The following ZMYM4 variants were observed in gnomAD, a reference collection of about 807,000 sequenced individuals.
ZMYM4 encodes zinc finger MYM-type protein 4.
A neutral mutation model predicts 183.2 loss-of-function variants in ZMYM4; 31 were observed. The ratio of observed to expected loss-of-function variants is 0.17; its 90% CI spans 0.13 to 0.23. The LOEUF is 0.23. Among genes scored for constraint, ZMYM4 ranks in the 10% least tolerant of loss-of-function variants. ZMYM4 has a pLI of 1.00. For missense variants in ZMYM4, 1,273 were observed against 1,840.3 expected (o/e 0.69, Z 5.64); for synonymous variants, 592 against 631.2 (o/e 0.94, Z 0.93).
At chr1:35,361,129 T>A (rs1643927089) in intron 3 of ZMYM4, 65 bp from the exon 4 acceptor site, 5 of 1,383,594 alleles carry the variant, frequency 3.6e-6, no homozygotes, top group Non-Finnish European at 3.9e-6. Flanking sequence ...GCTTTTTAGG[T>A]CACTCTTTGT....
chr1:35,344,814 G>A (rs1643333797), intron 2 of ZMYM4, among the ~76,000 whole-genome samples: 1 of 152,108 alleles, frequency 6.6e-6, no homozygotes, highest in African/African-American at 2.4e-5. Context: ...GTGTTTTCCT[G>A]GTTTTGGTCC....
chr1:35,302,676 C>T (rs910147263), intron 1 of ZMYM4, among the ~76,000 whole-genome samples: 11 of 151,970 alleles, frequency 7.2e-5, no homozygotes, highest in South Asian at 2.1e-4. Context: ...TGAGCCACAG[C>T]GCCCAGCCTA....
chr1:35,407,696 CT>C (rs747128330), intron 25 of ZMYM4, among the ~76,000 whole-genome samples: 1 of 152,158 alleles, frequency 6.6e-6, no homozygotes, highest in Non-Finnish European at 1.5e-5. Context: ...TCTTCCTCAC[CT>C]TTTAAGGTCT....
In ZMYM4 at chr1:35,359,385, G is replaced by A. The variant is rs1281263082; in HGVS notation, c.546G>A (p.Arg182=). Residue 182 remains arginine (R), a synonymous_variant, in exon 3 of 30, where the codon CGG becomes CGA. Coordinates refer to ENST00000314607, the MANE Select transcript of ZMYM4 (RefSeq NM_005095.3). ...NRDLTYEREK[R]LDKPHKDLDS... is the part of the protein sequence containing the mutation. ...ACCTAACTTATGAACGTGAAAAACG[G>A]TTGGATAAACCCCATAAAGATTTGG... is the stretch of plus-strand genomic sequence containing the variant. 1 of 1,594,926 alleles carries A rather than the reference G, an allele frequency of 6.3e-7. No individual in the cohort carries two copies. The highest frequency in any genetic ancestry group is 2.2e-5 in the East Asian group (1 of 44,740).
At chr1:35,344,583 C>T (rs1643325328) in intron 2 of ZMYM4, among the ~76,000 whole-genome samples, 1 of 151,572 alleles carries the variant, frequency 6.6e-6, no homozygotes, top group Non-Finnish European at 1.5e-5. Context: ...GTTGCTTTTT[C>T]TCTACTTAGA....
At chr1:35,388,868 A>C (rs775952919) in intron 13 of ZMYM4, 42 bp from the exon 14 acceptor site, 1 of 1,596,510 alleles carries the variant, frequency 6.3e-7, no homozygotes, top group Non-Finnish European at 8.6e-7. Context: ...CAGAAAACTA[A>C]TACTTCTACC....
chr1:35,414,619 C>T (rs1188291784), intron 27 of ZMYM4, among the ~76,000 whole-genome samples: 1 of 152,214 alleles, frequency 6.6e-6, no homozygotes, highest in East Asian at 1.9e-4. Flanking sequence ...CAGGAGTTTG[C>T]AAACTATGGT....
In ZMYM4 at chr1:35,414,011, G is replaced by T; in HGVS notation, c.3988G>T (p.Glu1330Ter). ...ENGRIDNIFT[E>*]PYSRFMIELT... ...TGGTAGAATAGATAACATTTTTACT[G>T]AGCCCTATTCCAGATTTATGATTGA... is the stretch of plus-strand genomic sequence containing the variant. Residue 1330 changes from glutamate to a stop codon, truncating the protein, a stop_gained, in exon 27 of 30, where the codon GAG becomes TAG. Transcript: ENST00000314607. LOFTEE classifies it high-confidence loss of function. 1 of 1,586,928 alleles carries T rather than the reference G, an allele frequency of 6.3e-7. No individual in the cohort carries two copies. The highest frequency in any genetic ancestry group is 8.6e-7 in the Non-Finnish European group (1 of 1,168,712).
At position 35,392,669 on chromosome 1, in the gene ZMYM4, G is replaced by A. The variant is rs147372035; in HGVS notation, c.2751G>A (p.Ala917=). ...VLQGAVPTVT[A]KIIGDASTQT... is the part of the protein sequence containing the mutation. The stretch of plus-strand genomic sequence containing the variant: ...AAGGTGCAGTTCCAACAGTAACAGC[G>A]AAAATCATCGGTGATGTAAGTTTTA... Residue 917 remains alanine, a synonymous_variant, in exon 17 of 30, where the codon GCG becomes GCA. Coordinates refer to ENST00000314607, the MANE Select transcript of ZMYM4 (RefSeq NM_005095.3). 302 of 1,594,088 alleles carry A rather than the reference G, an allele frequency of 1.9e-4. 2 individuals carry two copies. The African/African-American group carries it at 2.7e-3, about 14-fold the overall frequency.
chr1:35,297,270 A>G (rs550084176), intron 1 of ZMYM4, among the ~76,000 whole-genome samples: 23 of 152,240 alleles, frequency 1.5e-4, no homozygotes, highest in African/African-American at 4.8e-4. Flanking sequence ...CAGTTTGCAC[A>G]ATTAAATTTT....
intron 1 of ZMYM4, among the ~76,000 whole-genome samples, chr1:35,302,200 CTTTTTTTTTTTTT>C (rs576277396): frequency 1.7e-5 from 1 of 58,550 alleles, no homozygotes; most frequent in African/African-American, 6.4e-5. Context: ...ACGGCTCTTG[CTTTTTTTTTTTTT>C]TTTTTTTTTT....
chr1:35,412,260 A>G (rs1421569901), intron 26 of ZMYM4, among the ~76,000 whole-genome samples: 1 of 152,054 alleles, frequency 6.6e-6, no homozygotes, highest in Non-Finnish European at 1.5e-5. Context: ...ATATGCTGCA[A>G]CTTGGCTGGA....
At chr1:35,319,438 A>G (rs1399711814) in intron 1 of ZMYM4, among the ~76,000 whole-genome samples, 1 of 152,086 alleles carries the variant, frequency 6.6e-6, no homozygotes, top group East Asian at 1.9e-4. Context: ...CCTGGGCAAT[A>G]TAGCAATACC....
chr1:35,285,811 A>G (rs964741138), intron 1 of ZMYM4, among the ~76,000 whole-genome samples: 4 of 152,184 alleles, frequency 2.6e-5, no homozygotes, highest in African/African-American at 9.6e-5. Flanking sequence ...ATCTCAGTTG[A>G]TGCAGAGAAA....
chr1:35,414,193 C>T (rs1003995086), intron 27 of ZMYM4, 110 bp downstream of exon 27: 10 of 704,456 alleles, frequency 1.4e-5, no homozygotes, highest in Non-Finnish European at 2.2e-5. Flanking sequence ...CAGATTTATA[C>T]CATATTTGGA....
chr1:35,412,083 G>A (rs538232098), intron 26 of ZMYM4, among the ~76,000 whole-genome samples: 8 of 149,820 alleles, frequency 5.3e-5, no homozygotes, highest in Non-Finnish European at 1.2e-4. Context: ...AGTAGAGACA[G>A]GGTTTCACCG....
intron 1 of ZMYM4, among the ~76,000 whole-genome samples, chr1:35,300,236 T>G (rs1427713468): frequency 6.6e-6 from 1 of 152,204 alleles, no homozygotes; most frequent in East Asian, 1.9e-4. Flanking sequence ...CAGTGTGAAT[T>G]GGCCTTAGGT....
chr1:35,289,542 G>A (rs1012633130), intron 1 of ZMYM4, among the ~76,000 whole-genome samples: 1 of 152,146 alleles, frequency 6.6e-6, no homozygotes, highest in African/African-American at 2.4e-5. Flanking sequence ...CCTTACTTTA[G>A]ATCACTCCAC....
intron 20 of ZMYM4, among the ~76,000 whole-genome samples, 163 bp downstream of exon 20, chr1:35,397,708 C>T (rs185733440): frequency 6.6e-6 from 1 of 152,202 alleles, no homozygotes; most frequent in Non-Finnish European, 1.5e-5. Flanking sequence ...TCTGAAAGCT[C>T]TTATTGTTTT....
Sources: gnomAD v4.1 joint callset for allele counts (sites outside exome capture counted in the v4.1 genomes callset) on GRCh38, gnomAD v4.1.1 for gene constraint, MANE v1.5 for transcripts, NCBI Gene and HGNC (gene_info 2026-07-23, HGNC 2026-07-21) for gene names.